VWA5A: variants seen among roughly 807,000 people sequenced by gnomAD.
The protein encoded by VWA5A is von Willebrand factor A domain containing 5A.
In VWA5A, 77 loss-of-function variants were observed where a neutral mutation model predicts 84.6. The ratio of observed to expected loss-of-function variants is 0.91; its 90% confidence interval spans 0.76 to 1.10. The LOEUF (loss-of-function observed/expected upper bound fraction) is 1.10, where lower values mean the gene tolerates loss of function less well. Ranked by LOEUF, VWA5A falls within the 50% of genes least tolerant of loss-of-function variation. The probability of loss-of-function intolerance (pLI) is 0.00; values close to 1 mark genes in which losing one functional copy is unlikely to be tolerated. For missense variants in VWA5A, 973 were observed against 963.0 expected, an observed-to-expected ratio of 1.01 and a Z score of -0.14; for synonymous variants, 334 against 350.1, an observed-to-expected ratio of 0.95 and a Z score of 0.51.
chr11:124,123,934 G>GA (rs370550251), intron 10 of VWA5A, 130 bp downstream of exon 10: 23,837 of 1,046,848 alleles, frequency 0.023, no homozygotes, highest in South Asian at 0.031. Flanking sequence ...ATAGTAAACA[G>GA]AAAAAAAAAA....
rs537926195 is a variant in VWA5A, at chr11:124,136,953, T to A, written c.1626-62T>A. On this transcript the variant is annotated intron_variant, in intron 14 of 18. Transcript: ENST00000456829. The stretch of plus-strand genomic sequence containing the variant: ...TTCTATTCCTAACTTTTAGGAGCCC[T>A]GAGAAACTGGTATATGGATGTCTTT... 5.3e-5 allele frequency: 82 copies of A among 1,560,090 alleles called. No homozygotes were observed. In the African/African-American group the frequency reaches 8.9e-4, roughly 17 times the overall value.
At position 124,144,817 on chromosome 11, in the gene VWA5A, C is replaced by T. The variant is rs1334611978; in HGVS notation, c.2155-420C>T. On this transcript the variant is annotated intron_variant, in intron 17 of 18. Coordinates refer to ENST00000456829, the MANE Select transcript of VWA5A (RefSeq NM_001130142.2). ...TGAGCAAATCATTTTGTTAATACTT[C>T]TATATGAAATCAGTTTTCTTTCTTA... Among the ~76,000 whole-genome samples the T allele has an allele frequency of 3.3e-5, 5 of 152,040 alleles. No individual in the cohort carries two copies. The East Asian group carries it at 5.8e-4, about 18-fold the overall frequency.
rs115600162 is a variant in VWA5A at position 124,119,540 on chromosome 11, A to G, written c.760+451A>G. 3.5e-3 allele frequency among the ~76,000 whole-genome samples: 536 copies of G among 152,374 alleles called. 2 individuals carry two copies. Among genetic ancestry groups the G allele is most frequent in the African/African-American group, 0.012 (498 of 41,594 alleles). On this transcript the variant is annotated intron_variant, in intron 7 of 18. Coordinates refer to ENST00000456829, the MANE Select transcript of VWA5A (RefSeq NM_001130142.2). ...AAATTTGGCCATATGTGTTAAATCA[A>G]TGTTAACTTTGGTAATTTCACTTTT...
chr11:124,140,793 G>T (rs1451881508), intron 15 of VWA5A, among the ~76,000 whole-genome samples: 1 of 152,098 alleles, frequency 6.6e-6, no homozygotes, highest in East Asian at 1.9e-4. Flanking sequence ...TTGCTACTTT[G>T]TCCAGGCTGG....
chr11:124,117,560 C>T lies in VWA5A; in HGVS notation c.43+6C>T, dbSNP rs374749412. On this transcript the variant is annotated splice_donor_region_variant and intron_variant, in intron 3 of 18. Transcript: ENST00000456829. ...CACCCTCCACCGGGAGCCAGGTAAG[C>T]CTAATTTGTGACTCTTACTTGCCAT... 2.5e-6 allele frequency: 4 copies of T among 1,614,084 alleles called. No individual in the cohort carries two copies. The African/African-American group carries it at 5.3e-5, about 22-fold the overall frequency.
chr11:124,124,278 T>C lies in VWA5A; in HGVS notation c.1206T>C (p.Ser402=). 6.2e-7 allele frequency: 1 copy of C among 1,613,968 alleles called. No homozygotes were observed. Among genetic ancestry groups the C allele is most frequent in the Non-Finnish European group, 8.5e-7 (1 of 1,179,990 alleles). Residue 402 remains serine (S), a synonymous_variant, in exon 11 of 19, where the codon AGT becomes AGC. Transcript: ENST00000456829. ...ATGGAGAAGTTACAGACACGTTTAGTGTAATTAAAGAAGTTAGGATCAACA... is the reference window on the plus strand; with the variant it reads ...ATGGAGAAGTTACAGACACGTTTAGCGTAATTAAAGAAGTTAGGATCAACA... ...FTDGEVTDTF[S]VIKEVRINRQ...
rs1190700963 is a variant in VWA5A, at chr11:124,147,560, A to AC, written c.*1616dup. 6.6e-6 allele frequency: 1 copy of AC among 152,200 alleles called. No homozygotes were observed. Among genetic ancestry groups the AC allele is most frequent in the African/African-American group, 2.4e-5 (1 of 41,436 alleles). 9.4% of individuals were successfully genotyped at this position (152,200 alleles called of 1,614,324 possible). On this transcript the variant is annotated 3_prime_UTR_variant, in exon 19 of 19. Coordinates refer to ENST00000456829, the MANE Select transcript of VWA5A (RefSeq NM_001130142.2). ...GTTTATGCTGAATGTGATCTGCGGAACAGGGTTGTTAGAAATGCAGCTTTT... is the reference window on the plus strand; with the variant it reads ...GTTTATGCTGAATGTGATCTGCGGAACCAGGGTTGTTAGAAATGCAGCTTTT...
chr11:124,129,159 A>G (rs1303937992), intron 11 of VWA5A, among the ~76,000 whole-genome samples: 7 of 152,310 alleles, frequency 4.6e-5, no homozygotes, highest in Non-Finnish European at 5.9e-5. Context: ...TGTTCCATCA[A>G]TACCTAGTTT....
rs781368839 is a variant in VWA5A, at chr11:124,135,039, G to A, written c.1359+5G>A. The A allele has an allele frequency of 1.2e-6, 2 of 1,610,126 alleles. No homozygotes were observed. Among genetic ancestry groups the A allele is most frequent in the Non-Finnish European group, 1.7e-6 (2 of 1,177,958 alleles). On this transcript the variant is annotated splice_donor_5th_base_variant and intron_variant, in intron 12 of 18. Coordinates refer to ENST00000456829, the MANE Select transcript of VWA5A (RefSeq NM_001130142.2). ...AAAGACAGGATGCAGTCCAAGGTGA[G>A]GGACAGACTGACTGTGTCTGTCTGG... is the stretch of plus-strand genomic sequence containing the variant.
intron 17 of VWA5A, 93 bp from the exon 18 acceptor site, chr11:124,145,144 T>G: frequency 1.4e-6 from 2 of 1,458,488 alleles, no homozygotes; most frequent in Non-Finnish European, 1.8e-6. Context: ...TCTAGTGACA[T>G]TTAGAAGGAT....
intron 11 of VWA5A, among the ~76,000 whole-genome samples, chr11:124,129,826 G>A (rs1865071925): frequency 6.6e-6 from 1 of 152,104 alleles, no homozygotes. Flanking sequence ...GATCAGTGGT[G>A]ATACTCCCTT....
chr11:124,141,608 G>A lies in VWA5A; in HGVS notation c.1890G>A (p.Lys630=), dbSNP rs1025368057. The change falls in exon 16 of 19, where the codon AAG becomes AAA. Residue 630 remains lysine (K), a synonymous_variant. Coordinates refer to ENST00000456829, the MANE Select transcript of VWA5A (RefSeq NM_001130142.2). The part of the protein sequence containing the change: ...LKIKCQSGFR[K]ALHSDRPPSA... Reference sequence around the variant, plus strand: ...TTTGGATTTTTTCAGGTTTTCGAAAGGCCTTACACTCTGACCGTCCTCCTT... The same window carrying A: ...TTTGGATTTTTTCAGGTTTTCGAAAAGCCTTACACTCTGACCGTCCTCCTT... 1.1e-5 allele frequency: 17 copies of A among 1,613,942 alleles called. No homozygotes were observed. Among genetic ancestry groups the A allele is most frequent in the Non-Finnish European group, 1.4e-5 (17 of 1,180,002 alleles).
intron 11 of VWA5A, among the ~76,000 whole-genome samples, chr11:124,129,785 T>C (rs933404799): frequency 6.6e-6 from 1 of 152,216 alleles, no homozygotes; most frequent in African/African-American, 2.4e-5. Context: ...CTGTTTATAG[T>C]ATTCTGTGAT....
In VWA5A at chr11:124,123,067, G is replaced by A. The variant is rs761407480; in HGVS notation, c.868G>A (p.Gly290Arg). Residue 290 changes from glycine (G) to arginine (R), a missense_variant, in exon 8 of 19, where the codon GGA becomes AGA. Gly to Arg is a moderately radical substitution (Grantham distance 125). Coordinates refer to ENST00000456829, the MANE Select transcript of VWA5A (RefSeq NM_001130142.2). Reference protein sequence around the residue: ...GEFIFLMDRSGSMQSPMSSQD... With the variant: ...GEFIFLMDRSRSMQSPMSSQD... Reference sequence around the variant, plus strand: ...GTTTATCTTTCTCATGGACCGCTCGGGAAGTATGCAGAGCCCCATGAGTAG... The same window carrying A: ...GTTTATCTTTCTCATGGACCGCTCGAGAAGTATGCAGAGCCCCATGAGTAG... 1 of 1,614,102 alleles carries A rather than the reference G, an allele frequency of 6.2e-7. No individual in the cohort carries two copies. Among genetic ancestry groups the A allele is most frequent in the South Asian group, 1.1e-5 (1 of 91,078 alleles).
chr11:124,145,373 CA>C lies in VWA5A; in HGVS notation c.2281+12del. On this transcript the variant is annotated intron_variant, in intron 18 of 18. Coordinates refer to ENST00000456829, the MANE Select transcript of VWA5A (RefSeq NM_001130142.2). ...ATGCGTGCCCATGCAGGTAGGAGCA[CA>C]ATCCTAAGGCCTGTCTCCTTCCCCT... 6.2e-7 allele frequency: 1 copy of C among 1,607,838 alleles called. No individual in the cohort carries two copies. Among genetic ancestry groups the C allele is most frequent in the African/African-American group, 1.3e-5 (1 of 74,778 alleles).
chr11:124,126,940 T>C (rs1197007245), intron 11 of VWA5A, among the ~76,000 whole-genome samples: 2 of 152,244 alleles, frequency 1.3e-5, no homozygotes, highest in Non-Finnish European at 2.9e-5. Context: ...AACATTCTGC[T>C]ACATCACAAT....
chr11:124,137,656 A>G lies in VWA5A; in HGVS notation c.1879+388A>G, dbSNP rs140866559. ...AGTATGTTCACAGAGTTGTGCAACC[A>G]TTGATTGCCACAATCAATTTTAGAG... On this transcript the variant is annotated intron_variant, in intron 15 of 18. Transcript: ENST00000456829. Among the ~76,000 whole-genome samples, 1,047 of 152,338 alleles carry G rather than the reference A, an allele frequency of 6.9e-3. 9 individuals carry two copies. The highest frequency in any genetic ancestry group is 0.017 in the Middle Eastern group (5 of 294).
In VWA5A at chr11:124,147,285, GTGA is replaced by G. The variant is rs1860837086; in HGVS notation, c.*1346_*1348del. The G allele has an allele frequency of 6.6e-6, 1 of 152,192 alleles. No individual in the cohort carries two copies. Among genetic ancestry groups the G allele is most frequent in the Admixed American group, 6.5e-5 (1 of 15,282 alleles). 9.4% of individuals were successfully genotyped at this position (152,192 alleles called of 1,614,324 possible). A position where few individuals can be genotyped will look rare whatever the true frequency, so the allele number is the denominator to read the frequency against. On this transcript the variant is annotated 3_prime_UTR_variant, in exon 19 of 19. Transcript: ENST00000456829. ...CCTGACCATACCCTTAAATAGTTATGTGATGATGGGCAAATGATTTCACCCTCA... is the reference window on the plus strand; with the variant it reads ...CCTGACCATACCCTTAAATAGTTATGTGATGGGCAAATGATTTCACCCTCA...
intron 11 of VWA5A, among the ~76,000 whole-genome samples, chr11:124,128,719 T>C (rs373826364): frequency 6.6e-6 from 1 of 152,226 alleles, no homozygotes; most frequent in Admixed American, 6.5e-5. Flanking sequence ...GTTGTATTCA[T>C]AGGTATTTCA....
Sources: allele counts gnomAD v4.1 joint callset (sites outside exome capture counted in the v4.1 genomes callset), GRCh38; gene constraint gnomAD v4.1.1; transcripts MANE v1.5; gene names NCBI Gene and HGNC (gene_info 2026-07-23, HGNC 2026-07-21).